The following ZRANB1 variants were observed in gnomAD, a reference collection of about 807,000 sequenced individuals.
The protein encoded by ZRANB1 is zinc finger RANBP2-type containing 1.
In ZRANB1, 16 loss-of-function variants were observed where a neutral mutation model predicts 80.5. The observed-to-expected ratio is 0.20, with a 90% CI of 0.13 to 0.30. The LOEUF (loss-of-function observed/expected upper bound fraction) is 0.30, where lower values mean the gene tolerates loss of function less well. Ranked by LOEUF, ZRANB1 falls within the 10% of genes least tolerant of loss-of-function variation. The probability of loss-of-function intolerance (pLI) is 1.00; values close to 1 mark genes in which losing one functional copy is unlikely to be tolerated. For synonymous variants in ZRANB1, 291 were observed against 293.1 expected, an observed-to-expected ratio of 0.99 and a Z score of 0.07; for missense variants, 576 against 862.6, an observed-to-expected ratio of 0.67 and a Z score of 4.16.
At chr10:124,974,552 A>G (rs960043494) in intron 5 of ZRANB1, among the ~76,000 whole-genome samples, 154 bp downstream of exon 5, 2 of 152,250 alleles carry the variant, frequency 1.3e-5, no homozygotes, top group African/African-American at 4.8e-5. Flanking sequence ...GAACACGTCC[A>G]TGGTTTCTGT....
chr10:124,923,548 T>G, the ZRANB1 span, among the ~76,000 whole-genome samples: 1 of 152,056 alleles, frequency 6.6e-6, no homozygotes, highest in East Asian at 1.9e-4. Context: ...GCCGAGATTG[T>G]GCCACTGCGC....
chr10:124,922,336 ATTTT>A, the ZRANB1 span, among the ~76,000 whole-genome samples: 560 of 44,732 alleles, frequency 0.013, 9 homozygotes, highest in African/African-American at 0.03. Context: ...GTATATATAT[ATTTT>A]TTTTTTAATA....
chr10:124,952,455 A>G (rs1332003652), intron 1 of ZRANB1, among the ~76,000 whole-genome samples: 2 of 152,178 alleles, frequency 1.3e-5, no homozygotes, highest in African/African-American at 4.8e-5. Flanking sequence ...CAGCCTTCCC[A>G]ACACCTTGAT....
intron 1 of ZRANB1, among the ~76,000 whole-genome samples, chr10:124,961,544 G>T (rs1951734934): frequency 6.6e-6 from 1 of 152,140 alleles, no homozygotes; most frequent in South Asian, 2.1e-4. Context: ...GAAGTTATCT[G>T]TTAGGTTAGG....
intron 1 of ZRANB1, among the ~76,000 whole-genome samples, chr10:124,960,371 A>T (rs1034353518): frequency 2.6e-4 from 39 of 152,190 alleles, no homozygotes; most frequent in African/African-American, 8.7e-4. Flanking sequence ...ATATAATATG[A>T]ACAGTATAAA....
At chr10:124,976,648 T>C (rs1238169195) in intron 5 of ZRANB1, among the ~76,000 whole-genome samples, 1 of 136,734 alleles carries the variant, frequency 7.3e-6, no homozygotes, top group Non-Finnish European at 1.5e-5. Context: ...CTCGGCTCAC[T>C]GCAACCTCTG....
chr10:124,981,952 C>A (rs999294393), intron 6 of ZRANB1, 123 bp downstream of exon 6: 5 of 1,217,072 alleles, frequency 4.1e-6, no homozygotes, highest in Admixed American at 2.3e-5. Flanking sequence ...GACGTGGTAT[C>A]ATCAGTCAAC....
rs560963375 is a variant in ZRANB1, at chr10:124,974,394, C to A, written c.1423C>A (p.His475Asn). 6 of 1,614,216 alleles carry A rather than the reference C, an allele frequency of 3.7e-6. No individual in the cohort carries two copies. In the South Asian group the frequency reaches 6.6e-5, roughly 18 times the overall value. Reference sequence around the variant, plus strand: ...GCATGACAGCCTGCATGACTGTTCACATTGGTGAGCTGGCATTCTGCCCTG... The same window carrying A: ...GCATGACAGCCTGCATGACTGTTCAAATTGGTGAGCTGGCATTCTGCCCTG... ...ALHDSLHDCS[H>N]WFYTRWKDWE... Residue 475 changes from histidine to asparagine, a missense_variant, in exon 5 of 9, where the codon CAT becomes AAT. Around this residue, in one of 3 missense-constraint regions of ZRANB1, gnomAD observed 411 missense variants for 583.1 expected, o/e 0.70. Coordinates refer to ENST00000359653, the MANE Select transcript of ZRANB1 (RefSeq NM_017580.3).
intron 1 of ZRANB1, among the ~76,000 whole-genome samples, chr10:124,956,337 C>T (rs924566555): frequency 4.6e-5 from 7 of 152,142 alleles, no homozygotes; most frequent in African/African-American, 7.2e-5. Flanking sequence ...ACTAGGCACA[C>T]GGTTTAAAAA....
intron 1 of ZRANB1, among the ~76,000 whole-genome samples, chr10:124,957,550 A>G (rs73373139): frequency 1.3e-5 from 2 of 152,102 alleles, no homozygotes; most frequent in Admixed American, 1.3e-4. Context: ...GTATCCATTA[A>G]ATAGCTCCAT....
At chr10:124,971,507 C>T (rs2133983832) in intron 2 of ZRANB1, among the ~76,000 whole-genome samples, 1 of 152,208 alleles carries the variant, frequency 6.6e-6, no homozygotes, top group East Asian at 1.9e-4. Context: ...AAATACCGTG[C>T]TTTTTTTAAG....
At chr10:124,966,524 G>T in intron 1 of ZRANB1, 70 bp from the exon 2 acceptor site, 1 of 1,473,670 alleles carries the variant, frequency 6.8e-7, no homozygotes, top group Non-Finnish European at 9.4e-7. Context: ...ATTTTGGAGT[G>T]ATTGCTACGG....
At chr10:124,978,092 A>G (rs1951895759) in intron 5 of ZRANB1, among the ~76,000 whole-genome samples, 1 of 152,224 alleles carries the variant, frequency 6.6e-6, no homozygotes, top group Non-Finnish European at 1.5e-5. Flanking sequence ...ATTAGTGGTT[A>G]GATAGTAAGT....
At position 124,966,668 on chromosome 10, in the gene ZRANB1, G is replaced by A. The variant is rs369720358; in HGVS notation, c.889G>A (p.Ala297Thr). The A allele has an allele frequency of 6.2e-6, 10 of 1,614,016 alleles. No homozygotes were observed. Among genetic ancestry groups the A allele is most frequent in the East Asian group, 2.2e-5 (1 of 44,890 alleles). ...SGGDIARQLTADEVRLLNRPS... is the reference protein window; with the variant it reads ...SGGDIARQLTTDEVRLLNRPS... ...AGGAGACATTGCACGTCAGCTCACC[G>A]CAGATGAAGTACGCTTGCTGAATCG... Residue 297 changes from alanine to threonine, a missense_variant, in exon 2 of 9, where the codon GCA becomes ACA. Coordinates refer to ENST00000359653, the MANE Select transcript of ZRANB1 (RefSeq NM_017580.3).
Position 124,983,100 on chromosome 10 carries a change from G to T in ZRANB1, c.1549-75G>T. The T allele has an allele frequency of 2.1e-6, 3 of 1,460,532 alleles. No individual in the cohort carries two copies. The highest frequency in any genetic ancestry group is 2.8e-6 in the Non-Finnish European group (3 of 1,083,492). The allele number at this position is 1,460,532 out of a possible 1,614,324, so 90.5% of individuals were successfully genotyped here. The stretch of plus-strand genomic sequence containing the variant: ...ACTGCGATAGTATACTGAAGGGGAG[G>T]TAGTATTGTTTTTTACACATCAGTT... On this transcript the variant is annotated intron_variant, in intron 6 of 8. Coordinates refer to ENST00000359653, the MANE Select transcript of ZRANB1 (RefSeq NM_017580.3). The surrounding 1 kb of genome is among the most constrained non-coding windows in gnomAD (Gnocchi z 6.2).
At chr10:124,948,908 A>G (rs1449780734) in intron 1 of ZRANB1, among the ~76,000 whole-genome samples, 1 of 152,150 alleles carries the variant, frequency 6.6e-6, no homozygotes, top group Non-Finnish European at 1.5e-5. Flanking sequence ...GCAAACCTTT[A>G]TCCTACTCCT....
rs1182230900 is a variant in ZRANB1, at chr10:124,942,561, A to G, written c.68A>G (p.Lys23Arg). The G allele has an allele frequency of 1.2e-6, 2 of 1,614,084 alleles. No homozygotes were observed. The highest frequency in any genetic ancestry group is 2.2e-5 in the South Asian group (2 of 91,082). ...TATGAAAACTGGCCATCTGCAATCAAGTGTACTATGTGTCGTGCCCAAAGA... is the reference window on the plus strand; with the variant it reads ...TATGAAAACTGGCCATCTGCAATCAGGTGTACTATGTGTCGTGCCCAAAGA... ...CTYENWPSAI[K>R]CTMCRAQRPS... is the part of the protein sequence containing the mutation. Residue 23 changes from lysine (K) to arginine (R), a missense_variant, in exon 1 of 9, where the codon AAG (lysine) becomes AGG (arginine). By Grantham distance (26) the Lys-to-Arg change is conservative. This residue lies in a region of ZRANB1 where 411 missense variants were observed against 583.1 expected (regional missense o/e 0.70). Transcript: ENST00000359653.
chr10:124,925,937 G>A, the ZRANB1 span, among the ~76,000 whole-genome samples: 1 of 152,210 alleles, frequency 6.6e-6, no homozygotes, highest in Non-Finnish European at 1.5e-5. Flanking sequence ...ATAGCCTACT[G>A]CACAGTAGGC....
intron 1 of ZRANB1, among the ~76,000 whole-genome samples, chr10:124,949,525 T>A (rs866939635): frequency 7.1e-6 from 1 of 140,836 alleles, no homozygotes; most frequent in African/African-American, 2.7e-5. Context: ...ACACACACAT[T>A]TTTTTTTTTT....
Sources: allele counts gnomAD v4.1 joint callset (sites outside exome capture counted in the v4.1 genomes callset), GRCh38; gene constraint gnomAD v4.1.1; regional missense constraint gnomAD v4.1.1; non-coding constraint Gnocchi (gnomAD v3.1); transcripts MANE v1.5; gene names NCBI Gene and HGNC (gene_info 2026-07-23, HGNC 2026-07-21).